Variants in METAP1D observed in about 807,000 individuals in gnomAD.
The protein encoded by METAP1D is methionyl aminopeptidase type 1D, mitochondrial, also known as methionine aminopeptidase 1D, mitochondrial.
A neutral mutation model predicts 40.5 loss-of-function variants in METAP1D; 31 were observed. That is an observed-to-expected ratio of 0.77 (90% CI 0.58 to 1.03). METAP1D has a LOEUF of 1.03. Ranked by LOEUF, METAP1D falls within the 50% of genes least tolerant of loss-of-function variation. The pLI is 0.00. For missense variants in METAP1D, 411 were observed against 420.7 expected, an observed-to-expected ratio of 0.98 and a Z score of 0.20; for synonymous variants, 151 against 146.4, an observed-to-expected ratio of 1.03 and a Z score of -0.22.
chr2:172,026,273 T>G (rs1353257616), intron 1 of METAP1D, among the ~76,000 whole-genome samples: 1 of 152,152 alleles, frequency 6.6e-6, no homozygotes, highest in Non-Finnish European at 1.5e-5. Context: ...GTCATTTACC[T>G]TTTTTTCCCC....
At chr2:172,014,495 G>A (rs952938935) in intron 1 of METAP1D, among the ~76,000 whole-genome samples, 42 of 152,196 alleles carry the variant, frequency 2.8e-4, no homozygotes, top group Admixed American at 3.3e-4. Context: ...TGTCCCAAAG[G>A]TGTAGTCATT....
In METAP1D at chr2:172,081,435, G is replaced by A. The variant is rs570235445; in HGVS notation, c.*1029G>A. The A allele has an allele frequency of 6.6e-6, 1 of 152,398 alleles. No individual in the cohort carries two copies. The highest frequency in any genetic ancestry group is 1.9e-4 in the East Asian group (1 of 5,182). 9.4% of individuals were successfully genotyped at this position (152,398 alleles called of 1,614,324 possible). A position where few individuals can be genotyped will look rare whatever the true frequency, so the allele number is the denominator to read the frequency against. ...TTGAGAGCAAGGGCCTACTTGGCCG[G>A]GACTGAAGCTTGCGAGTTGAGCTCC... is the stretch of plus-strand genomic sequence containing the variant. On this transcript the variant is annotated 3_prime_UTR_variant, in exon 10 of 10. Coordinates refer to ENST00000315796, the MANE Select transcript of METAP1D (RefSeq NM_199227.3).
chr2:172,014,346 A>C (rs2105384224), intron 1 of METAP1D, among the ~76,000 whole-genome samples: 1 of 152,316 alleles, frequency 6.6e-6, no homozygotes, highest in East Asian at 1.9e-4. Flanking sequence ...TCTTGACCTC[A>C]GGTGATTTGC....
chr2:172,077,711 G>C, intron 6 of METAP1D, 86 bp from the exon 7 acceptor site: 1 of 609,204 alleles, frequency 1.6e-6, no homozygotes, highest in South Asian at 2.5e-5. Context: ...CTTTTTCAGA[G>C]AATATTTTAA....
intron 1 of METAP1D, among the ~76,000 whole-genome samples, chr2:172,005,945 A>G (rs971654582): frequency 6.6e-6 from 1 of 152,148 alleles, no homozygotes; most frequent in Non-Finnish European, 1.5e-5. Flanking sequence ...CAGGGCATAT[A>G]GACCCTCAGT....
At chr2:172,025,961 G>C (rs1047186458) in intron 1 of METAP1D, among the ~76,000 whole-genome samples, 2 of 152,014 alleles carry the variant, frequency 1.3e-5, no homozygotes, top group East Asian at 3.9e-4. Flanking sequence ...TAAAATATAA[G>C]TACTCTTTTA....
At chr2:172,062,550 C>T (rs1335011090) in intron 2 of METAP1D, among the ~76,000 whole-genome samples, 2 of 152,252 alleles carry the variant, frequency 1.3e-5, no homozygotes, top group East Asian at 1.9e-4. Flanking sequence ...GACAGCCCAA[C>T]AGCCCTTCTG....
chr2:172,000,005 C>G lies in METAP1D; in HGVS notation c.36C>G (p.Arg12=). The change falls in exon 1 of 10, where the codon CGC becomes CGG. Residue 12 remains arginine, a synonymous_variant. Transcript: ENST00000315796. ...CCAGTGGCGTCCACCTGCTCGTCCG[C>G]AGAGGTAAGCGCGTGGAGGAGAGCC... ...AAPSGVHLLV[R]RGSHRIFSSP... is the part of the protein sequence containing the mutation. 1 of 1,339,452 alleles carries G rather than the reference C, an allele frequency of 7.5e-7. No individual in the cohort carries two copies. Among genetic ancestry groups the G allele is most frequent in the Non-Finnish European group, 9.6e-7 (1 of 1,036,470 alleles). The allele number at this position is 1,339,452 out of a possible 1,614,324, so 83.0% of individuals were successfully genotyped here.
chr2:172,020,246 A>G (rs1405065787), intron 1 of METAP1D, among the ~76,000 whole-genome samples: 1 of 152,120 alleles, frequency 6.6e-6, no homozygotes, highest in Non-Finnish European at 1.5e-5. Flanking sequence ...CAGCCTCCCA[A>G]AGTGCTGGGA....
chr2:172,001,360 T>G (rs11688353), intron 1 of METAP1D, among the ~76,000 whole-genome samples: 1 of 151,698 alleles, frequency 6.6e-6, no homozygotes, highest in South Asian at 2.1e-4. Flanking sequence ...GCCAACATGG[T>G]GAAACCCCGT....
chr2:172,031,941 T>G (rs772616144), intron 1 of METAP1D, among the ~76,000 whole-genome samples: 47 of 152,258 alleles, frequency 3.1e-4, no homozygotes, highest in Non-Finnish European at 5.7e-4. Flanking sequence ...TATTCATAGT[T>G]TCTGCGTCCT....
chr2:172,032,012 C>T (rs1689252684), intron 1 of METAP1D, among the ~76,000 whole-genome samples: 2 of 152,146 alleles, frequency 1.3e-5, no homozygotes, highest in African/African-American at 2.4e-5. Context: ...AGCATGCCCT[C>T]GGGGAGCTAA....
chr2:172,063,155 C>T (rs1345643180), intron 2 of METAP1D, among the ~76,000 whole-genome samples: 3 of 152,026 alleles, frequency 2.0e-5, no homozygotes, highest in Non-Finnish European at 4.4e-5. Flanking sequence ...AAGAATAAAA[C>T]TTGTTTCATT....
chr2:172,010,712 T>C (rs1045016485), intron 1 of METAP1D, among the ~76,000 whole-genome samples: 1 of 151,348 alleles, frequency 6.6e-6, no homozygotes, highest in African/African-American at 2.4e-5. Flanking sequence ...CAGGCTGGTC[T>C]TGAACTCCTG....
At chr2:172,020,265 G>A (rs777174931) in intron 1 of METAP1D, among the ~76,000 whole-genome samples, 9 of 152,180 alleles carry the variant, frequency 5.9e-5, no homozygotes, top group Non-Finnish European at 1.0e-4. Context: ...GATTACAGGC[G>A]TGAGCCACCG....
intron 1 of METAP1D, among the ~76,000 whole-genome samples, chr2:172,038,468 AG>A (rs1335865033): frequency 1.1e-4 from 17 of 152,352 alleles, no homozygotes; most frequent in Admixed American, 5.2e-4. Flanking sequence ...GACGGTAAAG[AG>A]AAAAACATCT....
intron 1 of METAP1D, among the ~76,000 whole-genome samples, chr2:172,005,985 AT>A (rs979929238): frequency 1.3e-5 from 2 of 152,140 alleles, no homozygotes; most frequent in Admixed American, 6.6e-5. Context: ...TTAAAAAAAA[AT>A]ATATTGACCT....
chr2:172,065,901 T>A, intron 4 of METAP1D, 149 bp downstream of exon 4: 2 of 840,062 alleles, frequency 2.4e-6, no homozygotes, highest in Non-Finnish European at 3.6e-6. Flanking sequence ...TTTTGAAGTA[T>A]TTTACTTCTA....
At position 172,027,211 on chromosome 2, in the gene METAP1D, G is replaced by A. The variant is rs372147755; in HGVS notation, c.40+27202G>A. Among the ~76,000 whole-genome samples the A allele has an allele frequency of 4.5e-4, 68 of 152,330 alleles. No individual in the cohort carries two copies. In the East Asian group the frequency reaches 6.9e-3, roughly 16 times the overall value. ...CCATATGCCTCTGTGTCTAGAGTTA[G>A]GCATCAGGTGTCATCTTGTGCTTAT... On this transcript the variant is annotated intron_variant, in intron 1 of 9. Transcript: ENST00000315796.
Sources: allele counts gnomAD v4.1 joint callset (sites outside exome capture counted in the v4.1 genomes callset), GRCh38; gene constraint gnomAD v4.1.1; transcripts MANE v1.5; gene names NCBI Gene and HGNC (gene_info 2026-07-23, HGNC 2026-07-21).